KRT40: variants seen among roughly 807,000 people sequenced by gnomAD.
KRT40 encodes the protein keratin, type I cytoskeletal 40.
KRT40 carries 47 observed loss-of-function variants against 43.5 expected under a neutral mutation model. The observed-to-expected ratio is 1.08, with a 90% CI of 0.86 to 1.38. The LOEUF (loss-of-function observed/expected upper bound fraction) is 1.38. Ranked by LOEUF, KRT40 falls within the 40% of genes most tolerant of loss-of-function variation. KRT40 has a pLI of 0.00. For missense variants in KRT40, 573 were observed against 523.6 expected (o/e 1.09, Z -0.92); for synonymous variants, 212 against 214.0 (o/e 0.99, Z 0.08).
At chr17:40,979,065 T>G (rs756632381) in intron 5 of KRT40, 41 bp from the exon 6 acceptor site, 13 of 1,525,538 alleles carry the variant, frequency 8.5e-6, no homozygotes, top group Non-Finnish European at 1.2e-5. Flanking sequence ...TGAAGTGCAG[T>G]CTCTCGGGCC....
Position 40,978,137 on chromosome 17 carries a change from G to A in KRT40, c.*60C>T. 1.5e-6 allele frequency: 2 copies of A among 1,291,184 alleles called. No individual in the cohort carries two copies. Among genetic ancestry groups the A allele is most frequent in the Non-Finnish European group, 1.1e-6 (1 of 890,804 alleles). The allele number at this position is 1,291,184 out of a possible 1,614,324, so 80.0% of individuals were successfully genotyped here. A position where few individuals can be genotyped will look rare whatever the true frequency, so the allele number is the denominator to read the frequency against. On this transcript the variant is annotated 3_prime_UTR_variant, in exon 7 of 7. Coordinates refer to ENST00000377755, the MANE Select transcript of KRT40 (RefSeq NM_001389244.1). ...TCCGGTTTGGATGTCCCTGGTTGAA[G>A]CCCCATCTCCTTTCTAGGATGCTGC... is the stretch of plus-strand genomic sequence containing the variant.
At chr17:40,979,957 C>T (rs953694899) in intron 5 of KRT40, among the ~76,000 whole-genome samples, 35 of 152,186 alleles carry the variant, frequency 2.3e-4, no homozygotes, top group African/African-American at 8.2e-4. Flanking sequence ...TCTAAATATC[C>T]TGACTTGATC....
chr17:40,982,358 A>G lies in KRT40; in HGVS notation c.636T>C (p.His212=), dbSNP rs776813126. The change falls in exon 3 of 7, where the codon CAT becomes CAC. Residue 212 remains histidine (H), a synonymous_variant. Transcript: ENST00000377755. ...LTLCKSDLEA[H]VESLKEDLLC... ...GGAGATCTTCCTTCAGAGACTCCAC[A>G]TGGGCCTCCAGATCAGATTTGCACA... The G allele has an allele frequency of 5.6e-6, 9 of 1,608,706 alleles. No individual in the cohort carries two copies. The highest frequency in any genetic ancestry group is 1.7e-4 in the Middle Eastern group (1 of 6,042).
chr17:40,981,309 G>T (rs1459580080), intron 3 of KRT40, 158 bp from the exon 4 acceptor site: 6 of 1,369,736 alleles, frequency 4.4e-6, no homozygotes, highest in African/African-American at 4.3e-5. Context: ...ACTTAGAAGG[G>T]CCTCAGTTTC....
At position 40,978,198 on chromosome 17, in the gene KRT40, C is replaced by T. The variant is rs1911889478; in HGVS notation, c.1295G>A (p.Ter432=). The part of the protein sequence containing the change: ...VICTVENCCL[*] ...TCCTCTACCTGCTGTCCTTAACATT[C>T]ACAAGCAGCAGTTTTCAACAGTGCA... The change falls in exon 7 of 7, where the codon TGA becomes TAA. Residue 432 remains the stop codon, a stop_retained_variant. Transcript: ENST00000377755. The T allele has an allele frequency of 4.3e-6, 7 of 1,610,190 alleles. No individual in the cohort carries two copies. Among genetic ancestry groups the T allele is most frequent in the Non-Finnish European group, 5.1e-6 (6 of 1,176,570 alleles).
chr17:40,980,338 G>A (rs1251690258), intron 5 of KRT40, among the ~76,000 whole-genome samples: 5 of 152,162 alleles, frequency 3.3e-5, no homozygotes, highest in East Asian at 1.9e-4. Context: ...CATCTTGAAC[G>A]CATGGTGTTC....
chr17:40,981,322 C>T (rs1164119570), intron 3 of KRT40, 171 bp from the exon 4 acceptor site: 17 of 1,266,602 alleles, frequency 1.3e-5, no homozygotes, highest in East Asian at 4.9e-5. Flanking sequence ...TCAGTTTCTT[C>T]GTCTGTAAAA....
chr17:40,981,247 G>A, intron 3 of KRT40, 96 bp from the exon 4 acceptor site: 1 of 1,595,460 alleles, frequency 6.3e-7, no homozygotes, highest in Non-Finnish European at 8.5e-7. Context: ...GGAGCAGTGG[G>A]TAAAAGTGTG....
At chr17:40,981,457 G>T in intron 3 of KRT40, 1 of 542,300 alleles carries the variant, frequency 1.8e-6, no homozygotes. Context: ...TGTTAGCTAT[G>T]ATTGTCATCA....
chr17:40,980,748 T>C (rs1912094441), intron 5 of KRT40, 37 bp downstream of exon 5: 3 of 1,550,298 alleles, frequency 1.9e-6, no homozygotes, highest in African/African-American at 1.4e-5. Context: ...GCCTGACTTA[T>C]CAGTGACACA....
chr17:40,985,379 C>T (rs894395429), upstream of KRT40, among the ~76,000 whole-genome samples: 11 of 152,064 alleles, frequency 7.2e-5, no homozygotes, highest in African/African-American at 2.7e-4. Flanking sequence ...ATTTCACCTC[C>T]ATTGTGAAGG....
intron 3 of KRT40, among the ~76,000 whole-genome samples, chr17:40,981,796 G>A (rs2143678469): frequency 6.6e-6 from 1 of 152,294 alleles, no homozygotes; most frequent in Admixed American, 6.5e-5. Context: ...CTGTCTAGGG[G>A]TTATTTCACA....
At chr17:40,984,348 G>T, upstream of KRT40, 1 of 1,149,772 alleles carries the variant, frequency 8.7e-7, no homozygotes, top group Non-Finnish European at 1.2e-6. Flanking sequence ...TCTCCTGAGA[G>T]TTTTATAACC....
At chr17:40,983,712 ACT>A (rs1912304328) in intron 1 of KRT40, 113 bp downstream of exon 1, 2 of 1,028,848 alleles carry the variant, frequency 1.9e-6, no homozygotes, top group Admixed American at 4.3e-5. Flanking sequence ...TGTATCACTA[ACT>A]CTTAGAATTT....
rs1215146867 is a variant in KRT40, at chr17:40,978,280, A to G, written c.1213T>C (p.Cys405Arg). 3 of 1,613,972 alleles carry G rather than the reference A, an allele frequency of 1.9e-6. No homozygotes were observed. Among genetic ancestry groups the G allele is most frequent in the East Asian group, 2.2e-5 (1 of 44,882 alleles). ...TTGCTCGAGGTGCATGTGGTCGAAC[A>G]TGGGCTACAGGAAAGCCTGGGGAAA... ...SEDSRLSCSP[C>R]STTCTSSNTC... Residue 405 changes from cysteine to arginine, a missense_variant, in exon 7 of 7, where the codon TGT (cysteine) becomes CGT (arginine). Transcript: ENST00000377755.
Position 40,980,781 on chromosome 17 carries a change from G to T in KRT40, c.975+4C>A. 6.3e-7 allele frequency: 1 copy of T among 1,591,890 alleles called. No individual in the cohort carries two copies. Among genetic ancestry groups the T allele is most frequent in the East Asian group, 2.2e-5 (1 of 44,754 alleles). ...ACAACGGACACTGCCTTTGCCTCAC[G>T]CACCAGGCTTTGCTGTGCTTGGAGC... On this transcript the variant is annotated splice_donor_region_variant and intron_variant, in intron 5 of 6. Coordinates refer to ENST00000377755, the MANE Select transcript of KRT40 (RefSeq NM_001389244.1).
At chr17:40,984,368 G>C, upstream of KRT40, 1 of 905,336 alleles carries the variant, frequency 1.1e-6, no homozygotes, top group Non-Finnish European at 1.7e-6. Context: ...CCCCCAAAAT[G>C]GGTGTTTACA....
At chr17:40,981,606 A>T (rs925021945) in intron 3 of KRT40, among the ~76,000 whole-genome samples, 2 of 152,204 alleles carry the variant, frequency 1.3e-5, no homozygotes, top group Admixed American at 1.3e-4. Context: ...ACTGGTCCAG[A>T]TAGTGCACAG....
At chr17:40,984,652 A>G (rs945468220), upstream of KRT40, among the ~76,000 whole-genome samples, 7 of 152,212 alleles carry the variant, frequency 4.6e-5, no homozygotes, top group African/African-American at 1.7e-4. Flanking sequence ...ACAAATCAGG[A>G]AAATAATATG....
Sources: gnomAD v4.1 joint callset for allele counts (sites outside exome capture counted in the v4.1 genomes callset) on GRCh38, gnomAD v4.1.1 for gene constraint, MANE v1.5 for transcripts, NCBI Gene and HGNC (gene_info 2026-07-23, HGNC 2026-07-21) for gene names.